NPRL3: variants seen among roughly 807,000 people sequenced by gnomAD.
NPRL3 encodes GATOR1 complex protein NPRL3.
A neutral mutation model predicts 57.2 loss-of-function variants in NPRL3; 23 were observed. The observed-to-expected ratio is 0.40, with a 90% CI of 0.29 to 0.57. NPRL3 has a LOEUF of 0.57. NPRL3 is among the 20% of genes least tolerant of loss of function. NPRL3 has a pLI of 0.42. For missense variants in NPRL3, 691 were observed against 767.1 expected, an observed-to-expected ratio of 0.90 and a Z score of 1.17; for synonymous variants, 333 against 321.1, an observed-to-expected ratio of 1.04 and a Z score of -0.39.
At chr16:96,870 A>T (rs1231362569) in intron 9 of NPRL3, among the ~76,000 whole-genome samples, 1 of 152,098 alleles carries the variant, frequency 6.6e-6, no homozygotes, top group Admixed American at 6.5e-5. Flanking sequence ...CAGAGGCGGG[A>T]GACTTACTCT....
chr16:99,725 T>C (rs1316179254), intron 8 of NPRL3, among the ~76,000 whole-genome samples: 1 of 148,570 alleles, frequency 6.7e-6, no homozygotes, highest in Non-Finnish European at 1.5e-5. Flanking sequence ...AGGTCAGGAG[T>C]TCGAGACCAG....
chr16:127,723 T>C (rs1470325547), intron 3 of NPRL3, among the ~76,000 whole-genome samples: 11 of 151,398 alleles, frequency 7.3e-5, no homozygotes, highest in Admixed American at 3.3e-4. Context: ...GGCACAATCT[T>C]GGCTCACTGC....
chr16:105,228 G>A (rs766229155), intron 7 of NPRL3, among the ~76,000 whole-genome samples: 1 of 152,144 alleles, frequency 6.6e-6, no homozygotes. Context: ...ACACACTCTC[G>A]CCGTTCATCT....
intron 9 of NPRL3, among the ~76,000 whole-genome samples, chr16:95,350 T>TATATACACAC (rs1223611120): frequency 1.8e-4 from 20 of 110,982 alleles, no homozygotes; most frequent in African/African-American, 6.3e-4. Flanking sequence ...TATATATATA[T>TATATACACAC]ACACACACAC....
chr16:99,839 A>G (rs1428871286), intron 8 of NPRL3, among the ~76,000 whole-genome samples: 3 of 151,224 alleles, frequency 2.0e-5, no homozygotes, highest in East Asian at 1.9e-4. Flanking sequence ...AGCCTGAGGC[A>G]GGAGAATCAC....
chr16:134,700 T>A (rs2562190), intron 2 of NPRL3, among the ~76,000 whole-genome samples: 6,073 of 106,412 alleles, frequency 0.057, 411 homozygotes, highest in African/African-American at 0.2. Flanking sequence ...TATTATTTTT[T>A]TTTTTTTTTT....
Position 85,858 on chromosome 16 carries a change from C to T in NPRL3, c.*847G>A. 7.3e-6 allele frequency: 10 copies of T among 1,368,972 alleles called. No individual in the cohort carries two copies. The Middle Eastern group carries it at 1.1e-3, about 148-fold the overall frequency. 84.8% of individuals were successfully genotyped at this position (1,368,972 alleles called of 1,614,324 possible). The stretch of plus-strand genomic sequence containing the variant: ...TTATTTCTAGAAAACTGTGCCTTAG[C>T]CAGAGCTCCTCTAGGTGATCAACCC... On this transcript the variant is annotated 3_prime_UTR_variant, in exon 14 of 14. Coordinates refer to ENST00000611875, the MANE Select transcript of NPRL3 (RefSeq NM_001077350.3).
rs1392654526 is a variant in NPRL3 at position 89,617 on chromosome 16, C to T, written c.1351+96G>A. 3.4e-6 allele frequency: 4 copies of T among 1,166,034 alleles called. No homozygotes were observed. The African/African-American group carries it at 4.8e-5, about 14-fold the overall frequency. 72.2% of individuals were successfully genotyped at this position (1,166,034 alleles called of 1,614,324 possible). On this transcript the variant is annotated intron_variant, in intron 12 of 13. Transcript: ENST00000611875. Reference sequence around the variant, plus strand: ...ATGTGCGTGTGCAGCTGTGTGGAGGCCCCTCATCACTCACAGCACCACCCA... The same window carrying T: ...ATGTGCGTGTGCAGCTGTGTGGAGGTCCCTCATCACTCACAGCACCACCCA...
chr16:128,092 A>T (rs1475200631), intron 3 of NPRL3, among the ~76,000 whole-genome samples: 2 of 151,294 alleles, frequency 1.3e-5, no homozygotes, highest in Admixed American at 1.3e-4. Context: ...CCCAAGTTCA[A>T]GTGATTCTCC....
chr16:114,752 A>C (rs975949150), intron 5 of NPRL3, among the ~76,000 whole-genome samples: 9 of 152,138 alleles, frequency 5.9e-5, no homozygotes, highest in Non-Finnish European at 1.0e-4. Context: ...CAGATGTACA[A>C]AGGGTATCAT....
intron 9 of NPRL3, among the ~76,000 whole-genome samples, chr16:94,604 T>C (rs942472036): frequency 3.9e-5 from 6 of 152,110 alleles, no homozygotes; most frequent in African/African-American, 1.4e-4. Flanking sequence ...TTTTATTTAA[T>C]TAGCCAGGCA....
chr16:94,004 C>T (rs540754667), intron 9 of NPRL3, among the ~76,000 whole-genome samples: 1 of 152,264 alleles, frequency 6.6e-6, no homozygotes, highest in African/African-American at 2.4e-5. Context: ...AGTGCTGGCC[C>T]AGCTGGGCAG....
chr16:114,596 C>T (rs1227093566), intron 5 of NPRL3, among the ~76,000 whole-genome samples: 2 of 152,124 alleles, frequency 1.3e-5, no homozygotes, highest in Non-Finnish European at 2.9e-5. Flanking sequence ...TCTGGATTGG[C>T]AGAGACATAA....
At chr16:92,235 C>A (rs1898790901) in intron 11 of NPRL3, among the ~76,000 whole-genome samples, 1 of 152,186 alleles carries the variant, frequency 6.6e-6, no homozygotes, top group Non-Finnish European at 1.5e-5. Context: ...TTTGCACCCT[C>A]ATCTGTAGGC....
At chr16:119,430 T>A (rs1425406175) in intron 3 of NPRL3, 175 bp from the exon 4 acceptor site, 4 of 631,078 alleles carry the variant, frequency 6.3e-6, no homozygotes, top group Non-Finnish European at 1.1e-5. Context: ...CCAGAGGTTA[T>A]GGATGTAAGA....
chr16:130,476 TG>T (rs1900737040), intron 3 of NPRL3, 45 bp downstream of exon 3: 1 of 1,524,788 alleles, frequency 6.6e-7, no homozygotes, highest in Non-Finnish European at 8.8e-7. Flanking sequence ...TGCCCAGGCC[TG>T]GGACCAGGAC....
At chr16:106,934 C>T (rs1049005642) in intron 7 of NPRL3, among the ~76,000 whole-genome samples, 2 of 152,140 alleles carry the variant, frequency 1.3e-5, no homozygotes, top group African/African-American at 4.8e-5. Context: ...CCCAGAGGGG[C>T]TCCTGGGTGG....
intron 5 of NPRL3, among the ~76,000 whole-genome samples, chr16:115,490 CTTT>C (rs11441743): frequency 6.9e-6 from 1 of 145,012 alleles, no homozygotes; most frequent in African/African-American, 2.5e-5. Context: ...TTTCCTGTTG[CTTT>C]TTTTTTTTTG....
chr16:127,755 C>T lies in NPRL3; in HGVS notation c.188+2767G>A, dbSNP rs1281580831. ...CTGCAAGCTCCGCCTCCCGGGTTCA[C>T]GCCATTCTCCTGCCTCAGCCTCCCA... On this transcript the variant is annotated intron_variant, in intron 3 of 13. Coordinates refer to ENST00000611875, the MANE Select transcript of NPRL3 (RefSeq NM_001077350.3). Among the ~76,000 whole-genome samples the T allele has an allele frequency of 4.7e-5, 7 of 148,984 alleles. No homozygotes were observed. The East Asian group carries it at 6.1e-4, about 13-fold the overall frequency.
Sources: allele counts gnomAD v4.1 joint callset (sites outside exome capture counted in the v4.1 genomes callset), GRCh38; gene constraint gnomAD v4.1.1; transcripts MANE v1.5; gene names NCBI Gene and HGNC (gene_info 2026-07-23, HGNC 2026-07-21).